CDK19: variants seen among roughly 807,000 people sequenced by gnomAD.
CDK19 encodes the protein cyclin dependent kinase 19.
Under a neutral mutation model 68.3 loss-of-function variants are expected in CDK19, and 20 were observed. The ratio of observed to expected loss-of-function variants is 0.29; its 90% CI spans 0.21 to 0.43. The LOEUF (loss-of-function observed/expected upper bound fraction) is 0.43. Among genes scored for constraint, CDK19 ranks in the 20% least tolerant of loss-of-function variants. The probability of loss-of-function intolerance (pLI) is 1.00; values close to 1 mark genes in which losing one functional copy is unlikely to be tolerated. For synonymous variants in CDK19, 221 were observed against 222.8 expected, an observed-to-expected ratio of 0.99 and a Z score of 0.07; for missense variants, 339 against 623.5, an observed-to-expected ratio of 0.54 and a Z score of 4.86.
At chr6:110,750,839 C>A (rs1256063850) in intron 1 of CDK19, among the ~76,000 whole-genome samples, 1 of 151,966 alleles carries the variant, frequency 6.6e-6, no homozygotes, top group African/African-American at 2.4e-5. Context: ...GAAGATACTT[C>A]TCTTTTTCTT....
chr6:110,652,111 GA>G (rs993193096), intron 4 of CDK19, among the ~76,000 whole-genome samples: 24 of 150,696 alleles, frequency 1.6e-4, no homozygotes, highest in African/African-American at 5.6e-4. Context: ...CAAAAACAAA[GA>G]AAAAAAGAGA....
intron 1 of CDK19, among the ~76,000 whole-genome samples, chr6:110,754,322 C>T (rs544637077): frequency 6.6e-6 from 1 of 152,048 alleles, no homozygotes; most frequent in Admixed American, 6.6e-5. Context: ...CCTGAGACAT[C>T]GCACCTGGCC....
intron 2 of CDK19, among the ~76,000 whole-genome samples, chr6:110,739,785 T>C (rs1717028260): frequency 6.7e-6 from 1 of 149,276 alleles, no homozygotes; most frequent in South Asian, 2.2e-4. Context: ...TGAGTGCCAC[T>C]ATGCCCAGCT....
At chr6:110,728,385 C>G (rs1582964622) in intron 2 of CDK19, among the ~76,000 whole-genome samples, 1 of 152,002 alleles carries the variant, frequency 6.6e-6, no homozygotes, top group Non-Finnish European at 1.5e-5. Context: ...TCTTTGCCAC[C>G]TCTCTCCCTT....
chr6:110,681,803 TACTC>T (rs1357126083), intron 2 of CDK19, among the ~76,000 whole-genome samples: 1 of 152,242 alleles, frequency 6.6e-6, no homozygotes, highest in African/African-American at 2.4e-5. Flanking sequence ...CCATGCCAGA[TACTC>T]ACAGCATAGT....
At chr6:110,737,823 A>G (rs914698888) in intron 2 of CDK19, among the ~76,000 whole-genome samples, 1 of 152,042 alleles carries the variant, frequency 6.6e-6, no homozygotes, top group Non-Finnish European at 1.5e-5. Context: ...TATTGCAAGG[A>G]AAAAAAACCC....
At chr6:110,662,873 C>A (rs1225710493) in intron 4 of CDK19, among the ~76,000 whole-genome samples, 1 of 152,110 alleles carries the variant, frequency 6.6e-6, no homozygotes, top group African/African-American at 2.4e-5. Context: ...TCTCTTTCTC[C>A]TTTCCTTTTA....
intron 1 of CDK19, among the ~76,000 whole-genome samples, chr6:110,755,956 GA>G (rs1036298583): frequency 6.6e-6 from 1 of 151,968 alleles, no homozygotes; most frequent in Non-Finnish European, 1.5e-5. Flanking sequence ...GCATTTCAGA[GA>G]AAAAAATATA....
intron 2 of CDK19, among the ~76,000 whole-genome samples, chr6:110,691,586 C>A (rs1182426488): frequency 6.6e-6 from 1 of 151,966 alleles, no homozygotes; most frequent in Non-Finnish European, 1.5e-5. Flanking sequence ...GAGTTTAAGA[C>A]CCACCTGGAC....
chr6:110,761,712 G>A (rs1779245875), intron 1 of CDK19, among the ~76,000 whole-genome samples: 1 of 152,040 alleles, frequency 6.6e-6, no homozygotes, highest in Admixed American at 6.6e-5. Context: ...ATTTAAGGAT[G>A]TTTTTCATTT....
intron 2 of CDK19, among the ~76,000 whole-genome samples, chr6:110,713,404 C>G (rs2114701635): frequency 6.8e-6 from 1 of 146,660 alleles, no homozygotes; most frequent in East Asian, 2.0e-4. Context: ...TGCACTCCAG[C>G]CTGGGTGACA....
intron 4 of CDK19, among the ~76,000 whole-genome samples, chr6:110,665,158 C>T (rs765083127): frequency 3.2e-4 from 48 of 151,846 alleles, no homozygotes; most frequent in South Asian, 4.2e-4. Context: ...GTCAGAAGGT[C>T]GAAAGTAGAT....
chr6:110,704,331 T>A (rs976332673), intron 2 of CDK19, among the ~76,000 whole-genome samples: 1 of 152,150 alleles, frequency 6.6e-6, no homozygotes, highest in African/African-American at 2.4e-5. Context: ...GGAAGCCCTA[T>A]CTTTTTTTAA....
At position 110,623,508 on chromosome 6, in the gene CDK19, T is replaced by G. The variant is rs569946270; in HGVS notation, c.861-146A>C. ...ATAAGAAGAAACACATTACCAAATA[T>G]TAGCAAATGTGTGAAGAAATAGGAA... On this transcript the variant is annotated intron_variant, in intron 8 of 12. Transcript: ENST00000368911. 7 of 1,095,956 alleles carry G rather than the reference T, an allele frequency of 6.4e-6. No individual in the cohort carries two copies. In the East Asian group the frequency reaches 7.8e-5, roughly 12 times the overall value. The allele number at this position is 1,095,956 out of a possible 1,614,324, so 67.9% of individuals were successfully genotyped here. A position where few individuals can be genotyped will look rare whatever the true frequency, so the allele number is the denominator to read the frequency against.
chr6:110,672,906 G>C (rs776408664), intron 2 of CDK19, among the ~76,000 whole-genome samples: 2 of 151,100 alleles, frequency 1.3e-5, no homozygotes, highest in Non-Finnish European at 3.0e-5. Context: ...CTTTTAATGT[G>C]GTAAAATATA....
chr6:110,692,212 T>C (rs1773056477), intron 2 of CDK19, among the ~76,000 whole-genome samples: 1 of 151,156 alleles, frequency 6.6e-6, no homozygotes, highest in Non-Finnish European at 1.5e-5. Flanking sequence ...GAGAATCTCT[T>C]GAACCCAGGA....
At chr6:110,799,144 T>TA (rs369106433) in intron 1 of CDK19, among the ~76,000 whole-genome samples, 31,944 of 48,894 alleles carry the variant, frequency 0.65, 11,670 homozygotes, top group Admixed American at 0.73. Context: ...ACCCTGTATT[T>TA]AAAAAAAAAA....
rs1383248312 is a variant in CDK19, at chr6:110,719,984, C to T, written c.204+26142G>A. On this transcript the variant is annotated intron_variant, in intron 2 of 12. Transcript: ENST00000368911. ...GACCTTGTGATCCGCCCCCCCCCCCCCACCCCCCCCCTGCTTCGGCCTCCC... is the reference window on the plus strand; with the variant it reads ...GACCTTGTGATCCGCCCCCCCCCCCTCACCCCCCCCCTGCTTCGGCCTCCC... Among the ~76,000 whole-genome samples, 4 of 88,020 alleles carry T rather than the reference C, an allele frequency of 4.5e-5. No individual in the cohort carries two copies. The East Asian group carries it at 1.8e-3, about 39-fold the overall frequency. The allele number at this position is 88,020 out of a possible 152,430, so 57.7% of individuals were successfully genotyped here.
chr6:110,664,116 A>C (rs956082924), intron 4 of CDK19, among the ~76,000 whole-genome samples: 8 of 152,230 alleles, frequency 5.3e-5, no homozygotes, highest in Admixed American at 3.9e-4. Context: ...TCTTCTGAGC[A>C]TGACCTCACA....
Sources: gnomAD v4.1 joint callset for allele counts (sites outside exome capture counted in the v4.1 genomes callset) on GRCh38, gnomAD v4.1.1 for gene constraint, MANE v1.5 for transcripts, NCBI Gene and HGNC (gene_info 2026-07-23, HGNC 2026-07-21) for gene names.